The following GRID2 variants were observed in gnomAD, a reference collection of about 807,000 sequenced individuals.
The protein encoded by GRID2 is glutamate ionotropic receptor delta type subunit 2.
In GRID2, 33 loss-of-function variants were observed where a neutral mutation model predicts 114.8. The observed-to-expected ratio is 0.29, with a 90% CI of 0.22 to 0.38. GRID2 has a LOEUF of 0.38. GRID2 is among the 10% of genes least tolerant of loss of function. The pLI is 1.00. For synonymous variants in GRID2, 505 were observed against 449.9 expected, an observed-to-expected ratio of 1.12 and a Z score of -1.55; for missense variants, 1,184 against 1,257.7, an observed-to-expected ratio of 0.94 and a Z score of 0.89.
Position 93,306,547 on chromosome 4 carries a change from T to C in GRID2, c.1245+68057T>C, listed in dbSNP as rs75014310. On this transcript the variant is annotated intron_variant, in intron 8 of 15. Coordinates refer to ENST00000282020, the MANE Select transcript of GRID2 (RefSeq NM_001510.4). ...GCCTTTCTGGAGAAGATGACTTGTGTTGGTGGTAGGGGTATTGAGATGAAA... is the reference window on the plus strand; with the variant it reads ...GCCTTTCTGGAGAAGATGACTTGTGCTGGTGGTAGGGGTATTGAGATGAAA... 1.3e-4 allele frequency among the ~76,000 whole-genome samples: 20 copies of C among 152,290 alleles called. No individual in the cohort carries two copies. The East Asian group carries it at 2.5e-3, about 19-fold the overall frequency.
intron 2 of GRID2, among the ~76,000 whole-genome samples, chr4:92,871,673 G>A (rs1045291300): frequency 3.9e-5 from 6 of 151,994 alleles, no homozygotes; most frequent in African/African-American, 9.6e-5. Context: ...TTTCGAAACC[G>A]GCAAATATTA....
chr4:93,230,631 T>G (rs1338323506), intron 7 of GRID2, among the ~76,000 whole-genome samples: 1 of 152,132 alleles, frequency 6.6e-6, no homozygotes, highest in African/African-American at 2.4e-5. Context: ...AATGATGTAC[T>G]AAGTGTTGCG....
chr4:92,919,461 T>A (rs2149501760), intron 2 of GRID2, among the ~76,000 whole-genome samples: 1 of 152,366 alleles, frequency 6.6e-6, no homozygotes, highest in South Asian at 2.1e-4. Context: ...CAATTTTAGA[T>A]CTTTCCTGCT....
At chr4:93,348,592 G>A (rs1230770927) in intron 8 of GRID2, among the ~76,000 whole-genome samples, 1 of 152,084 alleles carries the variant, frequency 6.6e-6, no homozygotes, top group Non-Finnish European at 1.5e-5. Flanking sequence ...TGGCCTCCTT[G>A]GAAATTATTC....
intron 1 of GRID2, among the ~76,000 whole-genome samples, chr4:92,443,376 T>A (rs1004609517): frequency 6.6e-6 from 1 of 151,786 alleles, no homozygotes; most frequent in Admixed American, 6.6e-5. Context: ...GTTGAATTGG[T>A]TTTAAGTTTT....
At position 93,679,184 on chromosome 4, in the gene GRID2, C is replaced by T. The variant is rs1425632390; in HGVS notation, c.2360+52749C>T. Among the ~76,000 whole-genome samples, 88 of 151,130 alleles carry T rather than the reference C, an allele frequency of 5.8e-4. 2 individuals carry two copies. Among genetic ancestry groups the T allele is most frequent in the African/African-American group, 2.0e-3 (81 of 40,806 alleles). On this transcript the variant is annotated intron_variant, in intron 14 of 15. Transcript: ENST00000282020. The stretch of plus-strand genomic sequence containing the variant: ...CAAAAATCAAAAGAGACAAAGAAGG[C>T]CATTGCATAATGGTAAAGGGATCAA...
chr4:93,789,534 C>CA (rs1005293546), intron 1 of GRID2, among the ~76,000 whole-genome samples: 8 of 152,128 alleles, frequency 5.3e-5, no homozygotes, highest in Admixed American at 1.3e-4. Flanking sequence ...GCATACAGCA[C>CA]AAAAAAGTAC....
chr4:93,234,330 A>G (rs2149506540), intron 7 of GRID2, among the ~76,000 whole-genome samples: 1 of 152,206 alleles, frequency 6.6e-6, no homozygotes, highest in African/African-American at 2.4e-5. Context: ...TATATATAAT[A>G]TGTTATATTG....
intron 4 of GRID2, among the ~76,000 whole-genome samples, chr4:93,115,092 T>TTGTGTGTGTGTGTGTGTGTGTG (rs546827152): frequency 7.0e-5 from 10 of 142,692 alleles, no homozygotes. Flanking sequence ...CTGTGTGTGC[T>TTGTGTGTGTGTGTGTGTGTGTG]TGTGTGTGTG....
At chr4:93,678,263 A>T (rs900458102) in intron 14 of GRID2, among the ~76,000 whole-genome samples, 1 of 152,210 alleles carries the variant, frequency 6.6e-6, no homozygotes, top group Non-Finnish European at 1.5e-5. Flanking sequence ...GCCTCCAAGA[A>T]ATATGGGAGT....
At chr4:92,441,639 G>A (rs868015164) in intron 1 of GRID2, among the ~76,000 whole-genome samples, 5 of 151,560 alleles carry the variant, frequency 3.3e-5, no homozygotes, top group East Asian at 3.9e-4. Flanking sequence ...TATAGGCTTT[G>A]AAAGGCCATG....
intron 2 of GRID2, among the ~76,000 whole-genome samples, chr4:93,011,769 C>T (rs1482299173): frequency 1.3e-5 from 2 of 152,118 alleles, no homozygotes; most frequent in African/African-American, 4.8e-5. Context: ...TTTTTATCCA[C>T]CTAAAGTTAA....
At chr4:93,425,268 GA>G in intron 10 of GRID2, among the ~76,000 whole-genome samples, 1 of 152,252 alleles carries the variant, frequency 6.6e-6, no homozygotes, top group South Asian at 2.1e-4. Flanking sequence ...TGTATATTCT[GA>G]AAAGGATTGA....
intron 2 of GRID2, among the ~76,000 whole-genome samples, chr4:92,691,117 A>G (rs1734162564): frequency 1.3e-5 from 2 of 152,164 alleles, no homozygotes; most frequent in Non-Finnish European, 1.5e-5. Context: ...GTGTCAGCAA[A>G]GTGAACTATC....
chr4:92,650,515 C>T (rs74659786), intron 2 of GRID2, among the ~76,000 whole-genome samples: 2,973 of 152,078 alleles, frequency 0.02, 102 homozygotes, highest in African/African-American at 0.068. Flanking sequence ...GTCCAATTTC[C>T]CTTTGGTAAT....
At chr4:93,668,300 G>T (rs1270805940) in intron 14 of GRID2, among the ~76,000 whole-genome samples, 1 of 151,914 alleles carries the variant, frequency 6.6e-6, no homozygotes, top group Non-Finnish European at 1.5e-5. Context: ...AGAGATTACT[G>T]AAATGTATAT....
intron 1 of GRID2, among the ~76,000 whole-genome samples, chr4:92,489,564 G>C (rs994071026): frequency 6.6e-6 from 1 of 152,062 alleles, no homozygotes; most frequent in Non-Finnish European, 1.5e-5. Flanking sequence ...AGTAAATAAG[G>C]GCCGGGCACG....
chr4:93,399,887 A>T (rs1324488094), intron 9 of GRID2, among the ~76,000 whole-genome samples: 1 of 152,140 alleles, frequency 6.6e-6, no homozygotes, highest in South Asian at 2.1e-4. Flanking sequence ...CAGTGAATCC[A>T]GAAGAAAAGT....
intron 1 of GRID2, among the ~76,000 whole-genome samples, chr4:92,541,876 A>T (rs1725981686): frequency 1.3e-5 from 2 of 152,042 alleles, no homozygotes; most frequent in African/African-American, 4.8e-5. Flanking sequence ...AAATATTGTG[A>T]TTTTTTTTAA....
Sources: gnomAD v4.1 joint callset for allele counts (sites outside exome capture counted in the v4.1 genomes callset) on GRCh38, gnomAD v4.1.1 for gene constraint, MANE v1.5 for transcripts, NCBI Gene and HGNC (gene_info 2026-07-23, HGNC 2026-07-21) for gene names.